The following SOBP variants were observed in gnomAD, a reference collection of about 807,000 sequenced individuals.
SOBP encodes sine oculis binding protein homolog.
Under a neutral mutation model 53.6 loss-of-function variants are expected in SOBP, and 4 were observed. The ratio of observed to expected loss-of-function variants is 0.07; its 90% confidence interval spans 0.04 to 0.17. The LOEUF (loss-of-function observed/expected upper bound fraction) is 0.17. SOBP is among the 10% of genes least tolerant of loss of function. SOBP has a pLI of 1.00. For missense variants in SOBP, 1,088 were observed against 1,204.7 expected (o/e 0.90, Z 1.43); for synonymous variants, 584 against 522.6 (o/e 1.12, Z -1.60).
intron 5 of SOBP, among the ~76,000 whole-genome samples, chr6:107,592,745 G>GA (rs1263181953): frequency 6.6e-6 from 1 of 151,936 alleles, no homozygotes; most frequent in African/African-American, 2.4e-5. Context: ...AATCCCAGGG[G>GA]GACTGGCTGC....
intron 5 of SOBP, among the ~76,000 whole-genome samples, chr6:107,601,372 A>G (rs1389585783): frequency 3.9e-5 from 6 of 152,152 alleles, no homozygotes; most frequent in African/African-American, 4.8e-5. Context: ...ATTTTCTCCA[A>G]TTTGCTCTCA....
intron 3 of SOBP, among the ~76,000 whole-genome samples, chr6:107,520,090 G>A (rs143763932): frequency 6.6e-6 from 1 of 152,234 alleles, no homozygotes; most frequent in African/African-American, 2.4e-5. Context: ...GCACAATAAC[G>A]GAGCACTCAG....
chr6:107,570,180 T>C (rs1785034478), intron 4 of SOBP, among the ~76,000 whole-genome samples: 1 of 152,242 alleles, frequency 6.6e-6, no homozygotes, highest in African/African-American at 2.4e-5. Flanking sequence ...TCCTGCAAAG[T>C]GTAGCTTACC....
intron 3 of SOBP, among the ~76,000 whole-genome samples, chr6:107,521,873 C>T (rs1783499504): frequency 1.3e-5 from 2 of 149,948 alleles, no homozygotes; most frequent in Non-Finnish European, 2.9e-5. Flanking sequence ...CCTGTCTTAA[C>T]CTGGCTCATA....
intron 4 of SOBP, among the ~76,000 whole-genome samples, chr6:107,544,901 C>T (rs1784253502): frequency 6.6e-6 from 1 of 152,216 alleles, no homozygotes; most frequent in African/African-American, 2.4e-5. Flanking sequence ...CGATCAGCTT[C>T]ATGGACTATA....
chr6:107,529,581 G>A, intron 3 of SOBP: 2 of 985,402 alleles, frequency 2.0e-6, no homozygotes, highest in Non-Finnish European at 2.4e-6. Context: ...GTCCATTAAT[G>A]CCCTACTGAT....
At chr6:107,550,396 A>G (rs1217192765) in intron 4 of SOBP, among the ~76,000 whole-genome samples, 2 of 152,200 alleles carry the variant, frequency 1.3e-5, no homozygotes, top group African/African-American at 2.4e-5. Context: ...CTTGTGTGGA[A>G]GTTGACTTCA....
At chr6:107,493,732 A>G (rs946817267) in intron 1 of SOBP, among the ~76,000 whole-genome samples, 4 of 152,158 alleles carry the variant, frequency 2.6e-5, no homozygotes, top group Admixed American at 6.5e-5. Context: ...CATCACGGAG[A>G]CTTCCTTCAA....
At chr6:107,552,994 T>A (rs1273948322) in intron 4 of SOBP, among the ~76,000 whole-genome samples, 2 of 152,164 alleles carry the variant, frequency 1.3e-5, no homozygotes, top group Non-Finnish European at 2.9e-5. Flanking sequence ...AATAGTTTGG[T>A]ACTTAAAGCC....
intron 5 of SOBP, among the ~76,000 whole-genome samples, chr6:107,589,931 T>C (rs1346425125): frequency 6.6e-6 from 1 of 152,180 alleles, no homozygotes; most frequent in Non-Finnish European, 1.5e-5. Context: ...AAAGAAAATG[T>C]AGGAAATTTC....
Position 107,642,611 on chromosome 6 carries a change from G to T in SOBP, c.*3+7142G>T, listed in dbSNP as rs542649204. On this transcript the variant is annotated intron_variant, in intron 6 of 6. Coordinates refer to ENST00000317357, the MANE Select transcript of SOBP (RefSeq NM_018013.4). Reference sequence around the variant, plus strand: ...GACCTGGCTTTCCAGGTAGCCAAGGGGTCAGGGCTGGGGCAAATCAAAGCT... The same window carrying T: ...GACCTGGCTTTCCAGGTAGCCAAGGTGTCAGGGCTGGGGCAAATCAAAGCT... Among the ~76,000 whole-genome samples the T allele has an allele frequency of 4.6e-5, 7 of 152,288 alleles. No individual in the cohort carries two copies. The South Asian group carries it at 1.2e-3, about 27-fold the overall frequency.
chr6:107,636,112 G>A (rs1453005958), intron 6 of SOBP: 2 of 164,104 alleles, frequency 1.2e-5, no homozygotes, highest in Non-Finnish European at 2.7e-5. Context: ...CCTTCCTGCA[G>A]TTTGGCACCA....
At chr6:107,518,296 G>A (rs540928213) in intron 3 of SOBP, among the ~76,000 whole-genome samples, 3 of 152,004 alleles carry the variant, frequency 2.0e-5, no homozygotes, top group Admixed American at 6.6e-5. Flanking sequence ...GTGAGAGACC[G>A]GTAAACACAC....
chr6:107,573,409 A>G (rs571236435), intron 4 of SOBP, among the ~76,000 whole-genome samples: 22 of 151,946 alleles, frequency 1.4e-4, no homozygotes, highest in Non-Finnish European at 2.8e-4. Context: ...AGTAACTGTC[A>G]TATATTGAGT....
intron 5 of SOBP, among the ~76,000 whole-genome samples, chr6:107,602,568 T>TAAAAAAAAAAAAAA (rs71810335): frequency 8.8e-5 from 9 of 102,804 alleles, no homozygotes; most frequent in South Asian, 3.7e-4. Flanking sequence ...TAAGCCGCGT[T>TAAAAAAAAAAAAAA]AAAAAAAAAA....
chr6:107,562,736 C>A (rs1266479770), intron 4 of SOBP, among the ~76,000 whole-genome samples: 1 of 151,820 alleles, frequency 6.6e-6, no homozygotes, highest in East Asian at 1.9e-4. Flanking sequence ...AGATGGGTAA[C>A]CTGAGGGACA....
intron 5 of SOBP, among the ~76,000 whole-genome samples, chr6:107,608,465 T>TA (rs889137499): frequency 2.6e-5 from 4 of 151,974 alleles, no homozygotes. Flanking sequence ...TTCTTTTCCT[T>TA]AAAAAAAATG....
At chr6:107,497,662 A>G (rs1782736172) in intron 1 of SOBP, among the ~76,000 whole-genome samples, 1 of 152,178 alleles carries the variant, frequency 6.6e-6, no homozygotes, top group African/African-American at 2.4e-5. Flanking sequence ...AACTTAATGT[A>G]CTGTTAATAG....
intron 2 of SOBP, 94 bp from the exon 3 acceptor site, chr6:107,506,148 T>C: frequency 2.9e-6 from 3 of 1,051,456 alleles, no homozygotes; most frequent in East Asian, 2.4e-5. Flanking sequence ...ATATGTTGGG[T>C]TCATGGCCAT....
Sources: gnomAD v4.1 joint callset for allele counts (sites outside exome capture counted in the v4.1 genomes callset) on GRCh38, gnomAD v4.1.1 for gene constraint, MANE v1.5 for transcripts, NCBI Gene and HGNC (gene_info 2026-07-23, HGNC 2026-07-21) for gene names.